FSTL4: variants seen among roughly 807,000 people sequenced by gnomAD.
FSTL4 encodes follistatin like 4.
A neutral mutation model predicts 78.2 loss-of-function variants in FSTL4; 28 were observed. The observed-to-expected ratio is 0.36, with a 90% CI of 0.27 to 0.49. FSTL4 has a LOEUF of 0.49. FSTL4 is among the 20% of genes least tolerant of loss of function. The pLI is 0.98. For missense variants in FSTL4, 922 were observed against 1,084.9 expected, an observed-to-expected ratio of 0.85 and a Z score of 2.11; for synonymous variants, 422 against 440.5, an observed-to-expected ratio of 0.96 and a Z score of 0.53.
At chr5:133,454,484 T>C (rs1580719559) in intron 3 of FSTL4, among the ~76,000 whole-genome samples, 1 of 152,212 alleles carries the variant, frequency 6.6e-6, no homozygotes, top group South Asian at 2.1e-4. Context: ...CAATCCTGAA[T>C]CTGAACCTTC....
At chr5:133,646,346 CAAAG>C in the FSTL4 span, among the ~76,000 whole-genome samples, 1 of 152,034 alleles carries the variant, frequency 6.6e-6, no homozygotes. Flanking sequence ...TCAAGAAACT[CAAAG>C]AAGTCTAGTA....
At chr5:133,634,562 T>G in the FSTL4 span, among the ~76,000 whole-genome samples, 1 of 152,282 alleles carries the variant, frequency 6.6e-6, no homozygotes, top group East Asian at 1.9e-4. Context: ...TATGTCTCTT[T>G]ATAATGTCCA....
chr5:133,567,534 T>C (rs1760054550), intron 2 of FSTL4, among the ~76,000 whole-genome samples: 1 of 152,186 alleles, frequency 6.6e-6, no homozygotes, highest in Non-Finnish European at 1.5e-5. Flanking sequence ...CTCTTCCAGG[T>C]TGATGACCCA....
At chr5:133,752,508 T>C in the FSTL4 span, among the ~76,000 whole-genome samples, 2 of 151,954 alleles carry the variant, frequency 1.3e-5, no homozygotes, top group African/African-American at 4.8e-5. Flanking sequence ...TCTCAGCCAC[T>C]TGGGAGGCTG....
the FSTL4 span, among the ~76,000 whole-genome samples, chr5:133,841,565 T>C: frequency 1.3e-5 from 2 of 152,190 alleles, no homozygotes; most frequent in Non-Finnish European, 2.9e-5. Context: ...GTCCATTCTC[T>C]CTTTTGGTCC....
the FSTL4 span, among the ~76,000 whole-genome samples, chr5:133,625,125 A>C: frequency 6.6e-6 from 1 of 151,830 alleles, no homozygotes; most frequent in Admixed American, 6.6e-5. Flanking sequence ...TTAGGGTAAT[A>C]CTAGCTTCAT....
At chr5:133,654,556 G>C in the FSTL4 span, among the ~76,000 whole-genome samples, 3 of 152,144 alleles carry the variant, frequency 2.0e-5, no homozygotes, top group African/African-American at 4.8e-5. Flanking sequence ...CATTCTCTAT[G>C]GTTTTCCAGG....
At chr5:133,722,127 A>G in the FSTL4 span, among the ~76,000 whole-genome samples, 41 of 152,220 alleles carry the variant, frequency 2.7e-4, no homozygotes, top group African/African-American at 7.7e-4. Context: ...CCTATTGGGA[A>G]CCCAGCCACA....
At chr5:133,731,212 A>G in the FSTL4 span, among the ~76,000 whole-genome samples, 2 of 152,148 alleles carry the variant, frequency 1.3e-5, no homozygotes, top group Non-Finnish European at 2.9e-5. Flanking sequence ...ATCTGTGTCC[A>G]TGGAAACTCC....
At chr5:133,448,823 A>C (rs1757324371) in intron 3 of FSTL4, among the ~76,000 whole-genome samples, 1 of 151,968 alleles carries the variant, frequency 6.6e-6, no homozygotes, top group South Asian at 2.1e-4. Flanking sequence ...TGACACCCAA[A>C]GGTGATAAGA....
chr5:133,207,629 T>C (rs1370671556), intron 14 of FSTL4, among the ~76,000 whole-genome samples: 2 of 152,206 alleles, frequency 1.3e-5, no homozygotes, highest in East Asian at 1.9e-4. Flanking sequence ...TTACTCCCCC[T>C]TTCTGCATAC....
the FSTL4 span, among the ~76,000 whole-genome samples, chr5:133,764,011 G>A: frequency 6.6e-6 from 1 of 152,136 alleles, no homozygotes; most frequent in African/African-American, 2.4e-5. Flanking sequence ...CCCTGCCCGT[G>A]GCATCCAGGG....
At chr5:133,483,041 G>A (rs1416171290) in intron 3 of FSTL4, among the ~76,000 whole-genome samples, 1 of 152,186 alleles carries the variant, frequency 6.6e-6, no homozygotes, top group African/African-American at 2.4e-5. Flanking sequence ...GAGGGACCCA[G>A]TGGGAGGTAA....
intron 6 of FSTL4, among the ~76,000 whole-genome samples, chr5:133,267,191 G>A (rs778395965): frequency 6.6e-6 from 1 of 152,204 alleles, no homozygotes; most frequent in African/African-American, 2.4e-5. Context: ...TGGGGTCTGG[G>A]AGGAGGAGGT....
chr5:133,623,741 A>G, the FSTL4 span, among the ~76,000 whole-genome samples: 2 of 152,070 alleles, frequency 1.3e-5, no homozygotes, highest in Non-Finnish European at 2.9e-5. Flanking sequence ...TTGCATATAT[A>G]TCTGATAAGG....
intron 3 of FSTL4, among the ~76,000 whole-genome samples, chr5:133,441,629 C>T (rs1757160903): frequency 6.6e-6 from 1 of 152,148 alleles, no homozygotes; most frequent in African/African-American, 2.4e-5. Context: ...CGGAAAAGTC[C>T]AGGGAAATTG....
At chr5:133,530,956 G>A (rs823989) in intron 3 of FSTL4, among the ~76,000 whole-genome samples, 57,146 of 151,950 alleles carry the variant, frequency 0.38, 10,911 homozygotes, top group East Asian at 0.42. Flanking sequence ...CAAATGCTGC[G>A]CAAGCCTGGA....
chr5:133,830,922 T>C, the FSTL4 span, among the ~76,000 whole-genome samples: 1 of 152,142 alleles, frequency 6.6e-6, no homozygotes, highest in Non-Finnish European at 1.5e-5. Context: ...CCTCTGAGCC[T>C]CAGTTTCTCC....
chr5:133,360,228 C>T (rs751662868), intron 4 of FSTL4, among the ~76,000 whole-genome samples: 5 of 152,186 alleles, frequency 3.3e-5, no homozygotes, highest in African/African-American at 4.8e-5. Flanking sequence ...GAAATTCTGG[C>T]GATTTTCCTC....
Sources: gnomAD v4.1 joint callset for allele counts (sites outside exome capture counted in the v4.1 genomes callset) on GRCh38, gnomAD v4.1.1 for gene constraint, MANE v1.5 for transcripts, NCBI Gene and HGNC (gene_info 2026-07-23, HGNC 2026-07-21) for gene names.